ADRA1A: variants seen among roughly 807,000 people sequenced by gnomAD.
ADRA1A encodes the protein alpha-1A adrenergic receptor.
ADRA1A carries 31 observed loss-of-function variants against 29.6 expected under a neutral mutation model. That is an observed-to-expected ratio of 1.05 (90% confidence interval 0.79 to 1.41). ADRA1A has a LOEUF of 1.41. ADRA1A is among the 40% of genes most tolerant of loss of function. ADRA1A has a pLI of 0.00. For synonymous variants in ADRA1A, 311 were observed against 254.3 expected (o/e 1.22, Z -2.12); for missense variants, 619 against 601.1 (o/e 1.03, Z -0.31).
chr8:26,826,611 G>T (rs372343102), intron 2 of ADRA1A, among the ~76,000 whole-genome samples: 3 of 152,280 alleles, frequency 2.0e-5, no homozygotes, highest in East Asian at 1.9e-4. Context: ...CTTTGTCTGT[G>T]CTTACCTCCC....
At chr8:26,816,646 CA>C (rs375190157) in intron 2 of ADRA1A, among the ~76,000 whole-genome samples, 8 of 152,266 alleles carry the variant, frequency 5.3e-5, no homozygotes, top group African/African-American at 1.9e-4. Flanking sequence ...CAGACCAGAG[CA>C]CCTGTGCGGT....
chr8:26,856,652 G>C (rs1443348165), intron 2 of ADRA1A, among the ~76,000 whole-genome samples: 1 of 152,000 alleles, frequency 6.6e-6, no homozygotes, highest in Non-Finnish European at 1.5e-5. Context: ...AATAGATCTG[G>C]ACTTAATAGT....
chr8:26,851,918 A>G (rs908310660), intron 2 of ADRA1A, among the ~76,000 whole-genome samples: 11 of 152,178 alleles, frequency 7.2e-5, no homozygotes, highest in Admixed American at 5.9e-4. Context: ...CACCACTATT[A>G]ATGTTTAGTT....
chr8:26,819,373 C>G (rs1459658723), intron 2 of ADRA1A, among the ~76,000 whole-genome samples: 1 of 145,664 alleles, frequency 6.9e-6, no homozygotes, highest in East Asian at 2.5e-4. Flanking sequence ...ATAAAACTCA[C>G]TTTTACTCTA....
At chr8:26,780,659 T>C (rs1806908032) in intron 2 of ADRA1A, among the ~76,000 whole-genome samples, 1 of 152,176 alleles carries the variant, frequency 6.6e-6, no homozygotes, top group Admixed American at 6.5e-5. Flanking sequence ...CCAGTACCAG[T>C]CTGTGGCCTG....
intron 2 of ADRA1A, among the ~76,000 whole-genome samples, chr8:26,782,121 C>A (rs1417792142): frequency 6.6e-6 from 1 of 152,214 alleles, no homozygotes. Context: ...TGAATAAACC[C>A]TTGCTCTTCA....
intron 2 of ADRA1A, among the ~76,000 whole-genome samples, chr8:26,802,627 G>A (rs765804142): frequency 1.3e-5 from 2 of 152,166 alleles, no homozygotes; most frequent in African/African-American, 2.4e-5. Context: ...GTTGGTGGGA[G>A]TGTGAATTAC....
At chr8:26,783,300 A>G (rs979528924) in intron 2 of ADRA1A, among the ~76,000 whole-genome samples, 2 of 152,198 alleles carry the variant, frequency 1.3e-5, no homozygotes, top group Non-Finnish European at 2.9e-5. Flanking sequence ...GTGCCCACCC[A>G]GAGACTCTAG....
chr8:26,758,237 C>A (rs545734040), intron 2 of ADRA1A, among the ~76,000 whole-genome samples: 1 of 152,298 alleles, frequency 6.6e-6, no homozygotes, highest in South Asian at 2.1e-4. Context: ...TTGTGACCTG[C>A]TTTCTAATTA....
intron 2 of ADRA1A, among the ~76,000 whole-genome samples, chr8:26,826,379 G>T (rs568270014): frequency 7.6e-4 from 115 of 152,180 alleles, no homozygotes; most frequent in Non-Finnish European, 7.4e-5. Flanking sequence ...GCAATGGCAG[G>T]GTCACATTAT....
chr8:26,825,137 C>T lies in ADRA1A; in HGVS notation c.883+38950G>A, dbSNP rs888196862. On this transcript the variant is annotated intron_variant, in intron 2 of 2. Transcript: ENST00000380573. This position sits in a 1 kb window ranked among gnomAD's most constrained non-coding sequence, Gnocchi z 5.7. ...AATGCCTGCATGCTCCAGAGAGACC[C>T]CCAGCCCCCACATGTCCCACCCTGA... 6.6e-6 allele frequency among the ~76,000 whole-genome samples: 1 copy of T among 152,154 alleles called. No homozygotes were observed. The highest frequency in any genetic ancestry group is 1.5e-5 in the Non-Finnish European group (1 of 68,030).
downstream of ADRA1A, among the ~76,000 whole-genome samples, chr8:26,764,526 G>A (rs777907412): frequency 3.9e-5 from 6 of 152,180 alleles, no homozygotes; most frequent in African/African-American, 7.2e-5. Context: ...CAAGAGTGTC[G>A]AGAAACACAG....
chr8:26,840,646 T>G (rs1306193514), intron 2 of ADRA1A, among the ~76,000 whole-genome samples: 1 of 152,118 alleles, frequency 6.6e-6, no homozygotes, highest in Non-Finnish European at 1.5e-5. Context: ...AAAATCAGAT[T>G]GGAATTATTA....
chr8:26,855,465 G>C (rs1428120537), intron 2 of ADRA1A, among the ~76,000 whole-genome samples: 1 of 149,446 alleles, frequency 6.7e-6, no homozygotes, highest in African/African-American at 2.4e-5. Flanking sequence ...AAAAAGCACA[G>C]ATAGGAAATT....
downstream of ADRA1A, among the ~76,000 whole-genome samples, chr8:26,761,357 C>T (rs1805492860): frequency 6.6e-6 from 1 of 152,258 alleles, no homozygotes; most frequent in Admixed American, 6.5e-5. Flanking sequence ...GGAGGGAGTC[C>T]TTGTGGGCTC....
Position 26,816,528 on chromosome 8 carries a change from G to GGTGT in ADRA1A, c.884-45866_884-45863dup, listed in dbSNP as rs1357840136. 4.6e-3 allele frequency among the ~76,000 whole-genome samples: 551 copies of GGTGT among 120,726 alleles called. 3 individuals carry two copies. The highest frequency in any genetic ancestry group is 0.016 in the African/African-American group (520 of 32,880). The allele number at this position is 120,726 out of a possible 152,430, so 79.2% of individuals were successfully genotyped here. ...CAAAAACAACAAGAGAGGTGCTCATGGTGTATGTGTGTGTGTGTGTGTGTG... is the reference window on the plus strand; with the variant it reads ...CAAAAACAACAAGAGAGGTGCTCATGGTGTGTGTATGTGTGTGTGTGTGTGTGTG... On this transcript the variant is annotated intron_variant, in intron 2 of 2. Transcript: ENST00000380573.
At chr8:26,812,541 T>C (rs1428075256) in intron 2 of ADRA1A, among the ~76,000 whole-genome samples, 1 of 152,142 alleles carries the variant, frequency 6.6e-6, no homozygotes, top group Non-Finnish European at 1.5e-5. Flanking sequence ...TGGGTAAAAC[T>C]GATTTTCAGT....
intron 2 of ADRA1A, among the ~76,000 whole-genome samples, chr8:26,797,970 A>G (rs1437664026): frequency 1.5e-4 from 22 of 150,462 alleles, no homozygotes; most frequent in Admixed American, 1.4e-3. Flanking sequence ...TCTCATCTGC[A>G]TCGACAGTAA....
exon 3 of ADRA1A, chr8:26,756,595 C>A (rs1805183830): frequency 2.6e-6 from 4 of 1,555,024 alleles, no homozygotes; most frequent in Non-Finnish European, 3.5e-6. Flanking sequence ...GGATTTGTGC[C>A]TTAGTCAGAT....
Sources: allele counts gnomAD v4.1 joint callset (sites outside exome capture counted in the v4.1 genomes callset), GRCh38; gene constraint gnomAD v4.1.1; non-coding constraint Gnocchi (gnomAD v3.1); transcripts MANE v1.5; gene names NCBI Gene and HGNC (gene_info 2026-07-23, HGNC 2026-07-21).